Variants in FEZ2 observed in about 807,000 individuals in gnomAD.
FEZ2 encodes the protein fasciculation and elongation protein zeta-2.
In FEZ2, 51 loss-of-function variants were observed where a neutral mutation model predicts 40.4. That is an observed-to-expected ratio of 1.26 (90% CI 1.01 to 1.59). The LOEUF (loss-of-function observed/expected upper bound fraction) is 1.59, where lower values mean the gene tolerates loss of function less well. Ranked by LOEUF, FEZ2 falls within the 40% of genes most tolerant of loss-of-function variation. The pLI, the probability that FEZ2 is intolerant of heterozygous loss-of-function variation, is 0.00. For missense variants in FEZ2, 640 were observed against 438.3 expected, an observed-to-expected ratio of 1.46 and a Z score of -4.11; for synonymous variants, 242 against 172.0, an observed-to-expected ratio of 1.41 and a Z score of -3.18.
At chr2:36,557,157 A>G (rs1418845419) in intron 6 of FEZ2, 1 of 152,208 alleles carries the variant, frequency 6.6e-6, no homozygotes, top group Non-Finnish European at 1.5e-5. Context: ...ACTTCTAAAT[A>G]AAATCACATA....
At chr2:36,588,915 T>C (rs74811903) in intron 2 of FEZ2, among the ~76,000 whole-genome samples, 1,992 of 152,308 alleles carry the variant, frequency 0.013, 51 homozygotes, top group African/African-American at 0.046. Context: ...GGGCCTGACT[T>C]TGAAACTATG....
intron 5 of FEZ2, among the ~76,000 whole-genome samples, chr2:36,578,225 C>CA (rs780319528): frequency 6.6e-6 from 1 of 152,144 alleles, no homozygotes; most frequent in Non-Finnish European, 1.5e-5. Flanking sequence ...AAGAGTTCAG[C>CA]AAAAATAAGA....
At chr2:36,559,722 C>A (rs1210188392) in intron 5 of FEZ2, among the ~76,000 whole-genome samples, 1 of 152,226 alleles carries the variant, frequency 6.6e-6, no homozygotes, top group African/African-American at 2.4e-5. Flanking sequence ...AGGCACCAGG[C>A]GGCTGCACCC....
chr2:36,569,533 GAA>G (rs935633905), intron 5 of FEZ2, among the ~76,000 whole-genome samples: 4 of 152,170 alleles, frequency 2.6e-5, no homozygotes, highest in Admixed American at 2.0e-4. Context: ...ACAATAAAAA[GAA>G]AAGAGCTAGA....
chr2:36,579,871 G>A (rs1057110964), intron 4 of FEZ2, among the ~76,000 whole-genome samples: 2 of 152,130 alleles, frequency 1.3e-5, no homozygotes, highest in African/African-American at 4.8e-5. Flanking sequence ...AACCCACAGG[G>A]CCTCAGAATG....
chr2:36,597,770 G>T, intron 1 of FEZ2, 107 bp downstream of exon 1: 1 of 866,856 alleles, frequency 1.2e-6, no homozygotes, highest in Non-Finnish European at 1.5e-6. Context: ...GGACTCCCGC[G>T]TCCGGGCGGA....
chr2:36,577,065 T>C (rs2125232988), intron 5 of FEZ2, among the ~76,000 whole-genome samples: 1 of 152,296 alleles, frequency 6.6e-6, no homozygotes, highest in Middle Eastern at 3.4e-3. Context: ...GAGATGCAAA[T>C]GCAAAATAGT....
rs76162651 is a variant in FEZ2 at position 36,583,307 on chromosome 2, G to A, written c.492+46C>T. 4.7e-4 allele frequency: 459 copies of A among 980,800 alleles called. 1 individual carries two copies. In the African/African-American group the frequency reaches 6.7e-3, roughly 14 times the overall value. 60.8% of individuals were successfully genotyped at this position (980,800 alleles called of 1,614,324 possible). A position where few individuals can be genotyped will look rare whatever the true frequency, so the allele number is the denominator to read the frequency against. The stretch of plus-strand genomic sequence containing the variant: ...TGTCATAACAAGAAGCCGTTTTTCA[G>A]CTCTAGAGTCTCCTTTCCTTGCGTT... On this transcript the variant is annotated intron_variant, in intron 3 of 7. Coordinates refer to ENST00000405912, the MANE Select transcript of FEZ2 (RefSeq NM_005102.3).
chr2:36,563,710 T>C (rs2125223211), intron 5 of FEZ2, among the ~76,000 whole-genome samples: 1 of 152,176 alleles, frequency 6.6e-6, no homozygotes, highest in Non-Finnish European at 1.5e-5. Flanking sequence ...CTCAACCTCT[T>C]TCCTTTCCCA....
At chr2:36,564,329 C>A (rs758402372) in intron 5 of FEZ2, among the ~76,000 whole-genome samples, 3 of 152,126 alleles carry the variant, frequency 2.0e-5, no homozygotes, top group Non-Finnish European at 4.4e-5. Flanking sequence ...CTCTTCCCCA[C>A]CAAAACACAA....
intron 3 of FEZ2, 131 bp from the exon 4 acceptor site, chr2:36,581,562 G>A: frequency 9.6e-6 from 7 of 729,442 alleles, no homozygotes; most frequent in South Asian, 5.9e-5. Context: ...GTGTTCAGGT[G>A]TGGATGCTCC....
intron 6 of FEZ2, chr2:36,557,500 A>C (rs893167711): frequency 6.6e-6 from 1 of 152,212 alleles, no homozygotes; most frequent in African/African-American, 2.4e-5. Context: ...CAAAATAAGT[A>C]TCATCATCCA....
intron 5 of FEZ2, chr2:36,558,743 C>T: frequency 3.1e-6 from 1 of 319,292 alleles, no homozygotes; most frequent in Non-Finnish European, 5.7e-6. Flanking sequence ...ACAGAAACAA[C>T]CACCTTTTTG....
At chr2:36,576,435 A>G (rs1005834894) in intron 5 of FEZ2, among the ~76,000 whole-genome samples, 1 of 151,810 alleles carries the variant, frequency 6.6e-6, no homozygotes, top group Non-Finnish European at 1.5e-5. Flanking sequence ...ACGCCCAACT[A>G]ATTTTTGTAT....
Position 36,582,604 on chromosome 2 carries a change from C to T in FEZ2, c.492+749G>A, listed in dbSNP as rs1051723386. ...TTTTTTAAGCACCACATTCTTCCCA[C>T]GCCTAGAACAATTCAACCACAAATA... On this transcript the variant is annotated intron_variant, in intron 3 of 7. Transcript: ENST00000405912. 1.2e-4 allele frequency among the ~76,000 whole-genome samples: 19 copies of T among 152,324 alleles called. No individual in the cohort carries two copies. The East Asian group carries it at 1.3e-3, about 11-fold the overall frequency.
intron 5 of FEZ2, among the ~76,000 whole-genome samples, chr2:36,570,057 TTAAAA>T (rs1315312472): frequency 2.6e-5 from 4 of 151,926 alleles, no homozygotes; most frequent in African/African-American, 7.2e-5. Flanking sequence ...TTTTAATAAA[TTAAAA>T]TAATCAAAAT....
At chr2:36,594,381 A>G (rs1317965806) in intron 1 of FEZ2, 1 of 165,082 alleles carries the variant, frequency 6.1e-6, no homozygotes. Flanking sequence ...CATACCCGAG[A>G]CTGGGAAGAA....
chr2:36,580,418 C>CCCAT lies in FEZ2; in HGVS notation c.634+868_634+871dup, dbSNP rs1178296840. Among the ~76,000 whole-genome samples, 25 of 152,226 alleles carry CCCAT rather than the reference C, an allele frequency of 1.6e-4. No homozygotes were observed. In the East Asian group the frequency reaches 4.1e-3, roughly 25 times the overall value. Reference sequence around the variant, plus strand: ...CAACACGAGTTGAGCAGATACAGACCCCATCAGTGCCTATTCAAGGAAGGG... The same window carrying CCCAT: ...CAACACGAGTTGAGCAGATACAGACCCCATCCATCAGTGCCTATTCAAGGAAGGG... On this transcript the variant is annotated intron_variant, in intron 4 of 7. Transcript: ENST00000405912.
Position 36,553,121 on chromosome 2 carries a change from C to T in FEZ2, c.*42G>A, listed in dbSNP as rs749026602. ...TAGCCAGCTCTCAGAATAATGCTGT[C>T]GGAAATCTAGCTTGGAGCCCACCGC... On this transcript the variant is annotated 3_prime_UTR_variant, in exon 8 of 8. Coordinates refer to ENST00000405912, the MANE Select transcript of FEZ2 (RefSeq NM_005102.3). The T allele has an allele frequency of 8.4e-6, 13 of 1,538,808 alleles. No individual in the cohort carries two copies. The highest frequency in any genetic ancestry group is 1.7e-4 in the Middle Eastern group (1 of 5,968).
Sources: allele counts gnomAD v4.1 joint callset (sites outside exome capture counted in the v4.1 genomes callset), GRCh38; gene constraint gnomAD v4.1.1; transcripts MANE v1.5; gene names NCBI Gene and HGNC (gene_info 2026-07-23, HGNC 2026-07-21).